PSG1: variants seen among roughly 807,000 people sequenced by gnomAD.
PSG1 encodes the protein pregnancy specific beta-1-glycoprotein 1.
A neutral mutation model predicts 41.4 loss-of-function variants in PSG1; 60 were observed. That is an observed-to-expected ratio of 1.45 (90% CI 1.18 to 1.80). PSG1 has a LOEUF of 1.80. PSG1 is among the 40% of genes most tolerant of loss of function. The pLI, the probability that PSG1 is intolerant of heterozygous loss-of-function variation, is 0.00. For missense variants in PSG1, 806 were observed against 516.9 expected (o/e 1.56, Z -5.42); for synonymous variants, 256 against 192.9 (o/e 1.33, Z -2.71).
At chr19:42,873,468 G>A (rs1394989179) in intron 2 of PSG1, among the ~76,000 whole-genome samples, 1 of 151,544 alleles carries the variant, frequency 6.6e-6, no homozygotes, top group African/African-American at 2.4e-5. Context: ...TAGACCTCAT[G>A]TTATATTCTG....
In PSG1 at chr19:42,868,081, C is replaced by A. The variant is rs369963338; in HGVS notation, c.1243+20G>T. On this transcript the variant is annotated intron_variant, in intron 5 of 5. Transcript: ENST00000436291. ...ACTCCACCTAAAACCCTATTGCCAACGATGCTGGGATCCACTTACCAGAGA... is the reference window on the plus strand; with the variant it reads ...ACTCCACCTAAAACCCTATTGCCAAAGATGCTGGGATCCACTTACCAGAGA... 16 of 1,612,096 alleles carry A rather than the reference C, an allele frequency of 9.9e-6. No individual in the cohort carries two copies. The highest frequency in any genetic ancestry group is 1.3e-5 in the Non-Finnish European group (15 of 1,179,076).
Position 42,867,605 on chromosome 19 carries a change from G to A in PSG1, c.1244-455C>T, listed in dbSNP as rs112477306. 15 of 694,376 alleles carry A rather than the reference G, an allele frequency of 2.2e-5. 1 individual carries two copies. Among genetic ancestry groups the A allele is most frequent in the African/African-American group, 3.6e-5 (2 of 55,236 alleles). The allele number at this position is 694,376 out of a possible 1,614,324, so 43.0% of individuals were successfully genotyped here. A position where few individuals can be genotyped will look rare whatever the true frequency, so the allele number is the denominator to read the frequency against. ...GTTACAAAGAAAGCAGATTGTTACTGTACTTGTGCAAATATGTGTATTACC... is the reference window on the plus strand; with the variant it reads ...GTTACAAAGAAAGCAGATTGTTACTATACTTGTGCAAATATGTGTATTACC... On this transcript the variant is annotated intron_variant, in intron 5 of 5. Coordinates refer to ENST00000436291, the MANE Select transcript of PSG1 (RefSeq NM_001184825.2).
At chr19:42,878,325 G>C in intron 1 of PSG1, 47 bp from the exon 2 acceptor site, 1 of 1,555,466 alleles carries the variant, frequency 6.4e-7, no homozygotes. Context: ...CTATGTATTG[G>C]TGTGAAAACA....
chr19:42,878,097 A>G lies in PSG1; in HGVS notation c.246T>C (p.Tyr82=), dbSNP rs397692548. 12 of 1,612,180 alleles carry G rather than the reference A, an allele frequency of 7.4e-6. 1 individual carries two copies. In the African/African-American group the frequency reaches 8.0e-5, roughly 11 times the overall value. ...MRDLYHYITS[Y]VVDGEIIIYG... is the part of the protein sequence containing the mutation. ...ATATAATTATTTCACCGTCTACTAC[A>G]TATGATGTAATGTAATGGTAGAGGT... The change falls in exon 2 of 6, where the codon TAT becomes TAC. Residue 82 remains tyrosine, a synonymous_variant. Coordinates refer to ENST00000436291, the MANE Select transcript of PSG1 (RefSeq NM_001184825.2).
chr19:42,871,927 A>G lies in PSG1; in HGVS notation c.549T>C (p.Asn183=), dbSNP rs1353420575. The change falls in exon 3 of 6, where the codon AAT becomes AAC. Residue 183 remains asparagine, a synonymous_variant. Transcript: ENST00000436291. ...TGTGAGTCATAGGGAGGCTCTGACC[A>G]TTCATCCACCACAGGTAGCTTGCGT... ...TPDASYLWWM[N]GQSLPMTHSL... 1.2e-6 allele frequency: 2 copies of G among 1,612,308 alleles called. No individual in the cohort carries two copies. The highest frequency in any genetic ancestry group is 1.6e-4 in the Middle Eastern group (1 of 6,080).
intron 5 of PSG1, chr19:42,867,406 T>G (rs1971176606): frequency 7.0e-6 from 4 of 574,392 alleles, no homozygotes; most frequent in Non-Finnish European, 1.2e-5. Context: ...TTTCTCTAAG[T>G]TTTTATAAGG....
chr19:42,867,124 C>T lies in PSG1; in HGVS notation c.*10G>A. On this transcript the variant is annotated 3_prime_UTR_variant, in exon 6 of 6. Coordinates refer to ENST00000436291, the MANE Select transcript of PSG1 (RefSeq NM_001184825.2). ...ATGGGAGAAAATGGAATTGGAGGTA[C>T]TAGTAGAATTCAGGGAACTGTCCAG... 1 of 771,918 alleles carries T rather than the reference C, an allele frequency of 1.3e-6. No individual in the cohort carries two copies. 47.8% of individuals were successfully genotyped at this position (771,918 alleles called of 1,614,324 possible).
chr19:42,875,252 A>T (rs1971555061), intron 2 of PSG1, among the ~76,000 whole-genome samples: 8 of 151,780 alleles, frequency 5.3e-5, no homozygotes, highest in Admixed American at 3.9e-4. Flanking sequence ...GAATGATAAT[A>T]GTTCCTCCAT....
Position 42,879,596 on chromosome 19 carries a change from G to A in PSG1, c.-15C>T, listed in dbSNP as rs746610657. The stretch of plus-strand genomic sequence containing the variant: ...AGGGTTCCCATGGTCTCTGCTGCTT[G>A]TGTGTTCTCCTCTGTGGAGATAAGC... On this transcript the variant is annotated 5_prime_UTR_variant, in exon 1 of 6. Coordinates refer to ENST00000436291, the MANE Select transcript of PSG1 (RefSeq NM_001184825.2). The A allele has an allele frequency of 3.1e-6, 5 of 1,609,554 alleles. No individual in the cohort carries two copies. The highest frequency in any genetic ancestry group is 1.7e-6 in the Non-Finnish European group (2 of 1,177,766).
Position 42,879,682 on chromosome 19 carries a change from C to A in PSG1, c.-101G>T. 6.6e-7 allele frequency: 1 copy of A among 1,523,600 alleles called. No individual in the cohort carries two copies. The highest frequency in any genetic ancestry group is 1.2e-5 in the South Asian group (1 of 84,378). 94.4% of individuals were successfully genotyped at this position (1,523,600 alleles called of 1,614,324 possible). On this transcript the variant is annotated 5_prime_UTR_variant, in exon 1 of 6. Coordinates refer to ENST00000436291, the MANE Select transcript of PSG1 (RefSeq NM_001184825.2). ...CTGTGCTGTCCTTCCTCTTTCTGTG[C>A]TGAGCCTCTTCCCAGGGCAGGAGCA...
Position 42,878,163 on chromosome 19 carries a change from C to A in PSG1, c.180G>T (p.Gln60His). 1 of 1,612,154 alleles carries A rather than the reference C, an allele frequency of 6.2e-7. No individual in the cohort carries two copies. Among genetic ancestry groups the A allele is most frequent in the Non-Finnish European group, 8.5e-7 (1 of 1,179,160 alleles). Residue 60 changes from glutamine to histidine, a missense_variant, in exon 2 of 6, where the codon CAG (glutamine) becomes CAT (histidine). Coordinates refer to ENST00000436291, the MANE Select transcript of PSG1 (RefSeq NM_001184825.2). ...TGTACCAGATGTAGCCGGTAAGATT[C>A]TGGGGCAAATTGTGGACAAGTAGAA... ...DVLLLVHNLPQNLTGYIWYKG... is the reference protein window; with the variant it reads ...DVLLLVHNLPHNLTGYIWYKG...
In PSG1 at chr19:42,879,649, G is replaced by A. The variant is rs12459171; in HGVS notation, c.-68C>T. 0.13 allele frequency: 210,584 copies of A among 1,581,688 alleles called. 21,659 individuals carry two copies. The highest frequency in any genetic ancestry group is 0.41 in the East Asian group (17,770 of 43,434). ...AGGATCCAGAAACTCTCTGAGCACG[G>A]CTGTCAGCTGTGCTGTCCTTCCTCT... On this transcript the variant is annotated 5_prime_UTR_variant, in exon 1 of 6. Transcript: ENST00000436291.
intron 1 of PSG1, among the ~76,000 whole-genome samples, chr19:42,878,616 C>T (rs1971728236): frequency 7.0e-6 from 1 of 142,238 alleles, no homozygotes; most frequent in Non-Finnish European, 1.5e-5. Context: ...TACATCAGGG[C>T]ATCGTTAGAC....
At chr19:42,870,834 C>T (rs181212768) in intron 3 of PSG1, among the ~76,000 whole-genome samples, 16 of 151,758 alleles carry the variant, frequency 1.1e-4, no homozygotes, top group African/African-American at 2.4e-4. Flanking sequence ...GTTAAACTTA[C>T]TCCAAAATAT....
intron 2 of PSG1, among the ~76,000 whole-genome samples, chr19:42,877,230 G>A (rs1366541144): frequency 6.6e-6 from 1 of 151,516 alleles, no homozygotes. Flanking sequence ...TGCTTCTGGG[G>A]ACATTAGTCT....
chr19:42,876,311 A>T (rs1971603540), intron 2 of PSG1, among the ~76,000 whole-genome samples: 1 of 151,380 alleles, frequency 6.6e-6, no homozygotes, highest in Non-Finnish European at 1.5e-5. Flanking sequence ...CCAGTTCCAT[A>T]GTCCAGGACC....
chr19:42,868,393 T>C (rs781333324), intron 4 of PSG1, 38 bp from the exon 5 acceptor site: 28 of 1,575,450 alleles, frequency 1.8e-5, no homozygotes, highest in African/African-American at 4.1e-5. Context: ...TGATGTCATC[T>C]GAGGGAAGGG....
rs755460164 is a variant in PSG1 at position 42,877,955 on chromosome 19, C to A, written c.388G>T (p.Gly130Trp). ...YTLHIIKGDD[G>W]TRGVTGRFTF... is the part of the protein sequence containing the mutation. Reference sequence around the variant, plus strand: ...AAACGTCCAGTTACTCCTCTAGTCCCATCATCTCCCTTTATGATGTGTAAG... The same window carrying A: ...AAACGTCCAGTTACTCCTCTAGTCCAATCATCTCCCTTTATGATGTGTAAG... The change falls in exon 2 of 6, where the codon GGG becomes TGG. Residue 130 changes from glycine to tryptophan, a missense_variant. Transcript: ENST00000436291. 6.2e-6 allele frequency: 10 copies of A among 1,612,366 alleles called. No individual in the cohort carries two copies. Among genetic ancestry groups the A allele is most frequent in the Non-Finnish European group, 6.8e-6 (8 of 1,179,110 alleles).
At chr19:42,868,060 C>T (rs967034629) in intron 5 of PSG1, 41 bp downstream of exon 5, 7 of 1,611,968 alleles carry the variant, frequency 4.3e-6, no homozygotes, top group Non-Finnish European at 5.1e-6. Flanking sequence ...AGATAGACTC[C>T]ACCTAAAACC....
Sources: allele counts gnomAD v4.1 joint callset (sites outside exome capture counted in the v4.1 genomes callset), GRCh38; gene constraint gnomAD v4.1.1; transcripts MANE v1.5; gene names NCBI Gene and HGNC (gene_info 2026-07-23, HGNC 2026-07-21).